Variants in PTPRD observed in about 807,000 individuals in gnomAD.
The protein encoded by PTPRD is protein tyrosine phosphatase receptor type D.
In PTPRD, 34 loss-of-function variants were observed where a neutral mutation model predicts 214.5. The observed-to-expected ratio is 0.16, with a 90% CI of 0.12 to 0.21. The LOEUF (loss-of-function observed/expected upper bound fraction) is 0.21, where lower values mean the gene tolerates loss of function less well. Among genes scored for constraint, PTPRD ranks in the 10% least tolerant of loss-of-function variants. PTPRD has a pLI of 1.00. For synonymous variants in PTPRD, 1,128 were observed against 845.7 expected, an observed-to-expected ratio of 1.33 and a Z score of -5.79; for missense variants, 2,545 against 2,398.7, an observed-to-expected ratio of 1.06 and a Z score of -1.27.
intron 10 of PTPRD, among the ~76,000 whole-genome samples, chr9:9,172,023 G>C (rs916351730): frequency 2.6e-5 from 4 of 152,112 alleles, no homozygotes; most frequent in Admixed American, 6.6e-5. Context: ...TGAGTAGTTA[G>C]TAATTCAGGT....
At chr9:8,424,935 G>GA (rs1246207097) in intron 35 of PTPRD, among the ~76,000 whole-genome samples, 1 of 152,144 alleles carries the variant, frequency 6.6e-6, no homozygotes. Flanking sequence ...TGTGACGATG[G>GA]AAAGACTAAT....
intron 9 of PTPRD, among the ~76,000 whole-genome samples, chr9:9,188,322 A>G (rs978638304): frequency 6.6e-6 from 1 of 152,060 alleles, no homozygotes; most frequent in African/African-American, 2.4e-5. Flanking sequence ...ATTACAATTA[A>G]TGCCGCAATA....
At chr9:9,788,317 C>A (rs2098940991) in intron 5 of PTPRD, among the ~76,000 whole-genome samples, 2 of 150,802 alleles carry the variant, frequency 1.3e-5, no homozygotes, top group Non-Finnish European at 3.0e-5. Context: ...TTTGGGAGGC[C>A]GAGGTGGGTG....
intron 2 of PTPRD, among the ~76,000 whole-genome samples, chr9:10,516,237 G>C (rs2050059759): frequency 6.6e-6 from 1 of 151,462 alleles, no homozygotes; most frequent in Non-Finnish European, 1.5e-5. Context: ...ATCAACACTT[G>C]TCTTTTTTTA....
chr9:8,695,232 A>G (rs1253927651), intron 12 of PTPRD, among the ~76,000 whole-genome samples: 1 of 152,178 alleles, frequency 6.6e-6, no homozygotes, highest in Non-Finnish European at 1.5e-5. Context: ...TTGTGAGTAA[A>G]TAAACCCTTC....
chr9:10,137,909 T>C (rs932033097), intron 3 of PTPRD, among the ~76,000 whole-genome samples: 2 of 152,002 alleles, frequency 1.3e-5, no homozygotes, highest in Non-Finnish European at 2.9e-5. Context: ...AGAGGAAATG[T>C]ATAGTGCTAA....
chr9:8,326,471 C>G (rs1833879695), intron 44 of PTPRD, among the ~76,000 whole-genome samples: 1 of 151,256 alleles, frequency 6.6e-6, no homozygotes. Flanking sequence ...ATTCGGTTTG[C>G]CAGTATTTTA....
chr9:9,283,891 A>G (rs1308920272), intron 9 of PTPRD, among the ~76,000 whole-genome samples: 1 of 151,646 alleles, frequency 6.6e-6, no homozygotes, highest in Non-Finnish European at 1.5e-5. Context: ...AGGAAAACTA[A>G]TAATCAAGAA....
intron 11 of PTPRD, among the ~76,000 whole-genome samples, chr9:8,928,889 C>T (rs1345572737): frequency 2.6e-5 from 4 of 152,092 alleles, no homozygotes; most frequent in Non-Finnish European, 5.9e-5. Context: ...TGCAGTTCTG[C>T]CTGAAGAAGT....
intron 2 of PTPRD, among the ~76,000 whole-genome samples, chr9:10,508,479 A>C (rs2046838976): frequency 6.6e-6 from 1 of 152,230 alleles, no homozygotes; most frequent in Non-Finnish European, 1.5e-5. Flanking sequence ...TCATGCTGCT[A>C]TGAAGACACA....
At chr9:8,703,413 C>T (rs7872708) in intron 12 of PTPRD, among the ~76,000 whole-genome samples, 18,700 of 152,132 alleles carry the variant, frequency 0.12, 3,348 homozygotes, top group African/African-American at 0.39. Flanking sequence ...CCTTTCAGTT[C>T]CACCATTCCA....
intron 9 of PTPRD, among the ~76,000 whole-genome samples, chr9:9,343,295 A>G (rs897412011): frequency 6.6e-6 from 1 of 152,104 alleles, no homozygotes; most frequent in South Asian, 2.1e-4. Flanking sequence ...AGATCCTTGA[A>G]GAATCCCAAC....
intron 27 of PTPRD, among the ~76,000 whole-genome samples, chr9:8,492,355 G>A (rs1044034308): frequency 1.3e-5 from 2 of 152,040 alleles, no homozygotes; most frequent in African/African-American, 2.4e-5. Flanking sequence ...GATCCTTCAC[G>A]TCATTTGAGT....
At chr9:8,600,593 A>C (rs1382796799) in intron 14 of PTPRD, among the ~76,000 whole-genome samples, 1 of 151,876 alleles carries the variant, frequency 6.6e-6, no homozygotes, top group Non-Finnish European at 1.5e-5. Flanking sequence ...AGGATGGGGC[A>C]CTGGTCAGGT....
chr9:8,914,491 C>T (rs540987511), intron 11 of PTPRD, among the ~76,000 whole-genome samples: 11 of 152,172 alleles, frequency 7.2e-5, no homozygotes, highest in Admixed American at 3.3e-4. Flanking sequence ...TTATTTAAAA[C>T]TTACTCTTTA....
chr9:10,537,921 C>A (rs2058217716), intron 2 of PTPRD, among the ~76,000 whole-genome samples: 1 of 151,980 alleles, frequency 6.6e-6, no homozygotes, highest in Non-Finnish European at 1.5e-5. Context: ...AGGCCCCAAC[C>A]CAGTCGAACT....
intron 3 of PTPRD, among the ~76,000 whole-genome samples, chr9:10,169,022 TA>T (rs1275895790): frequency 6.6e-6 from 1 of 152,138 alleles, no homozygotes; most frequent in Non-Finnish European, 1.5e-5. Flanking sequence ...TAATTCATCC[TA>T]AAAATTGTCA....
chr9:8,444,475 T>G (rs1486795294), intron 34 of PTPRD, among the ~76,000 whole-genome samples: 1 of 152,112 alleles, frequency 6.6e-6, no homozygotes, highest in Non-Finnish European at 1.5e-5. Flanking sequence ...TGGCAGATAT[T>G]TCTGGAGACT....
intron 8 of PTPRD, among the ~76,000 whole-genome samples, chr9:9,428,728 T>A (rs2143002466): frequency 6.6e-6 from 1 of 152,224 alleles, no homozygotes; most frequent in Admixed American, 6.5e-5. Flanking sequence ...GCAATCAAAC[T>A]AGAACTCAGG....
Sources: allele counts gnomAD v4.1 joint callset (sites outside exome capture counted in the v4.1 genomes callset), GRCh38; gene constraint gnomAD v4.1.1; transcripts MANE v1.5; gene names NCBI Gene and HGNC (gene_info 2026-07-23, HGNC 2026-07-21).